The following RIN3 variants were observed in gnomAD, a reference collection of about 807,000 sequenced individuals.
The protein encoded by RIN3 is RAB5 interacting protein 3.
A neutral mutation model predicts 76.3 loss-of-function variants in RIN3; 54 were observed. The observed-to-expected ratio is 0.71, with a 90% confidence interval of 0.57 to 0.89. RIN3 has a LOEUF of 0.89. RIN3 is among the 40% of genes least tolerant of loss of function. The pLI is 0.00. For missense variants in RIN3, 1,256 were observed against 1,322.1 expected, an observed-to-expected ratio of 0.95 and a Z score of 0.78; for synonymous variants, 576 against 564.0, an observed-to-expected ratio of 1.02 and a Z score of -0.30.
At chr14:92,647,945 G>A (rs1020584809) in intron 5 of RIN3, among the ~76,000 whole-genome samples, 2 of 151,980 alleles carry the variant, frequency 1.3e-5, no homozygotes, top group Admixed American at 6.5e-5. Context: ...GGGAACTCTC[G>A]CAGCAGAGCC....
At position 92,582,442 on chromosome 14, in the gene RIN3, C is replaced by CCT. The variant is rs1555385546; in HGVS notation, c.367+4965_367+4966insCT. Among the ~76,000 whole-genome samples the CCT allele has an allele frequency of 2.6e-5, 3 of 117,550 alleles. No individual in the cohort carries two copies. The East Asian group carries it at 7.4e-4, about 29-fold the overall frequency. The allele number at this position is 117,550 out of a possible 152,430, so 77.1% of individuals were successfully genotyped here. A position where few individuals can be genotyped will look rare whatever the true frequency, so the allele number is the denominator to read the frequency against. ...TGTGGTTTTGCTGTTTCCTTTTTTA[C>CCT]TTTTTTTTTTTTTTTTTTTCCCTGA... On this transcript the variant is annotated intron_variant, in intron 3 of 9. Coordinates refer to ENST00000216487, the MANE Select transcript of RIN3 (RefSeq NM_024832.5).
intron 1 of RIN3, among the ~76,000 whole-genome samples, chr14:92,527,386 T>C (rs564087363): frequency 1.8e-4 from 27 of 152,242 alleles, no homozygotes; most frequent in Non-Finnish European, 2.9e-4. Flanking sequence ...TCAGTCGCTT[T>C]GGATTTAGGG....
intron 3 of RIN3, among the ~76,000 whole-genome samples, chr14:92,593,817 T>C (rs1283948037): frequency 6.6e-6 from 1 of 152,200 alleles, no homozygotes. Context: ...CTAACAGTCC[T>C]TTATGTGTGT....
intron 1 of RIN3, among the ~76,000 whole-genome samples, chr14:92,551,479 C>A (rs1897424633): frequency 6.6e-6 from 1 of 152,094 alleles, no homozygotes; most frequent in South Asian, 2.1e-4. Flanking sequence ...AGTGGAATCG[C>A]TGGGCCATAG....
intron 1 of RIN3, among the ~76,000 whole-genome samples, chr14:92,542,984 G>C (rs540533096): frequency 2.0e-5 from 3 of 152,290 alleles, no homozygotes; most frequent in Admixed American, 6.5e-5. Context: ...GTTTCTTTGT[G>C]GGGTGATGAA....
At chr14:92,520,001 G>T (rs1896551930) in intron 1 of RIN3, among the ~76,000 whole-genome samples, 1 of 152,220 alleles carries the variant, frequency 6.6e-6, no homozygotes, top group Admixed American at 6.5e-5. Flanking sequence ...TCTCCACAGG[G>T]GTAGGGGTTG....
At chr14:92,543,751 T>A (rs1897179142) in intron 1 of RIN3, among the ~76,000 whole-genome samples, 1 of 151,916 alleles carries the variant, frequency 6.6e-6, no homozygotes, top group Admixed American at 6.6e-5. Context: ...CCCGGCTAAT[T>A]TTTTAATTTT....
At chr14:92,579,908 G>A (rs1898381365) in intron 3 of RIN3, among the ~76,000 whole-genome samples, 1 of 152,268 alleles carries the variant, frequency 6.6e-6, no homozygotes, top group Non-Finnish European at 1.5e-5. Flanking sequence ...GAAGGATTCA[G>A]GAGGGTGTCA....
intron 1 of RIN3, among the ~76,000 whole-genome samples, chr14:92,523,670 A>G (rs934874573): frequency 4.6e-5 from 7 of 151,098 alleles, no homozygotes; most frequent in African/African-American, 1.7e-4. Context: ...TTTTTTTTTC[A>G]TATTAAGTGT....
intron 1 of RIN3, among the ~76,000 whole-genome samples, chr14:92,535,801 A>G (rs544716428): frequency 9.8e-4 from 146 of 149,092 alleles, no homozygotes; most frequent in Non-Finnish European, 1.7e-3. Flanking sequence ...CAGCCTCCTG[A>G]GTAGCTGGGA....
At chr14:92,624,839 C>A (rs1886294970) in intron 4 of RIN3, among the ~76,000 whole-genome samples, 1 of 152,198 alleles carries the variant, frequency 6.6e-6, no homozygotes, top group Non-Finnish European at 1.5e-5. Flanking sequence ...GCCCATGACG[C>A]TGGAGGGGGC....
At chr14:92,599,578 C>T (rs1490806614) in intron 3 of RIN3, among the ~76,000 whole-genome samples, 1 of 152,064 alleles carries the variant, frequency 6.6e-6, no homozygotes, top group African/African-American at 2.4e-5. Flanking sequence ...AGAGAGCAAC[C>T]CCCTGGTGCC....
intron 2 of RIN3, among the ~76,000 whole-genome samples, chr14:92,560,491 G>T (rs569178448): frequency 6.6e-4 from 100 of 152,286 alleles, no homozygotes; most frequent in African/African-American, 2.2e-3. Context: ...ACCCAGAGTT[G>T]CTATATGCAT....
chr14:92,526,850 C>G (rs1212882858), intron 1 of RIN3, among the ~76,000 whole-genome samples: 1 of 152,068 alleles, frequency 6.6e-6, no homozygotes, highest in Non-Finnish European at 1.5e-5. Flanking sequence ...TGTATTCTCT[C>G]AAAGCCTTGG....
chr14:92,530,495 G>A (rs1000317956), intron 1 of RIN3, among the ~76,000 whole-genome samples: 1 of 152,134 alleles, frequency 6.6e-6, no homozygotes, highest in Non-Finnish European at 1.5e-5. Flanking sequence ...ACTCAGGGTC[G>A]AGTTTTTGTT....
intron 7 of RIN3, among the ~76,000 whole-genome samples, chr14:92,673,802 G>A (rs1387838794): frequency 5.9e-5 from 9 of 152,158 alleles, no homozygotes; most frequent in East Asian, 3.8e-4. Context: ...CACCGCGCCC[G>A]GCCGCCACAT....
chr14:92,653,425 C>T (rs951516627), intron 6 of RIN3, among the ~76,000 whole-genome samples: 1 of 152,190 alleles, frequency 6.6e-6, no homozygotes, highest in African/African-American at 2.4e-5. Flanking sequence ...CTCCAGGGCC[C>T]GGCGAGATCT....
chr14:92,556,579 G>T (rs1233302643), intron 2 of RIN3, among the ~76,000 whole-genome samples: 1 of 138,858 alleles, frequency 7.2e-6, no homozygotes, highest in African/African-American at 2.7e-5. Flanking sequence ...CAGACAGACA[G>T]ATGGATAGAT....
intron 1 of RIN3, among the ~76,000 whole-genome samples, chr14:92,533,287 A>C (rs1454240562): frequency 6.6e-6 from 1 of 152,222 alleles, no homozygotes; most frequent in African/African-American, 2.4e-5. Flanking sequence ...CACAACCATT[A>C]TGGAAAACAG....
Sources: gnomAD v4.1 joint callset for allele counts (sites outside exome capture counted in the v4.1 genomes callset) on GRCh38, gnomAD v4.1.1 for gene constraint, MANE v1.5 for transcripts, NCBI Gene and HGNC (gene_info 2026-07-23, HGNC 2026-07-21) for gene names.